The following USH2A variants were observed in gnomAD, a reference collection of about 807,000 sequenced individuals.
USH2A encodes Usher syndrome 2A (autosomal recessive, mild).
USH2A carries 443 observed loss-of-function variants against 538.9 expected under a neutral mutation model. The observed-to-expected ratio is 0.82, with a 90% CI of 0.76 to 0.89. USH2A has a LOEUF of 0.89. Ranked by LOEUF, USH2A falls within the 40% of genes least tolerant of loss-of-function variation. USH2A has a pLI of 0.00. For synonymous variants in USH2A, 2,413 were observed against 2,273.5 expected (o/e 1.06, Z -1.75); for missense variants, 6,633 against 6,324.8 (o/e 1.05, Z -1.65).
intron 61 of USH2A, among the ~76,000 whole-genome samples, chr1:215,694,434 G>A (rs914518630): frequency 1.3e-5 from 2 of 152,132 alleles, no homozygotes; most frequent in East Asian, 1.9e-4. Flanking sequence ...TTAGACGGGC[G>A]TGGTTGCGGG....
chr1:216,095,431 T>C (rs967736907), intron 22 of USH2A, among the ~76,000 whole-genome samples: 32 of 152,176 alleles, frequency 2.1e-4, no homozygotes, highest in African/African-American at 7.7e-4. Context: ...TTTTTAAAAA[T>C]TTTTTTCAGT....
chr1:216,121,475 C>T (rs566273520), intron 21 of USH2A, among the ~76,000 whole-genome samples: 63 of 152,060 alleles, frequency 4.1e-4, no homozygotes, highest in Non-Finnish European at 8.2e-4. Context: ...CTATTATACT[C>T]ACCACTGGTA....
chr1:216,320,556 T>C (rs2037586215), intron 9 of USH2A, among the ~76,000 whole-genome samples: 1 of 152,152 alleles, frequency 6.6e-6, no homozygotes, highest in Non-Finnish European at 1.5e-5. Flanking sequence ...AACTATTGTG[T>C]CAATTGGCAA....
intron 44 of USH2A, among the ~76,000 whole-genome samples, chr1:215,855,779 C>T (rs1853810): frequency 0.42 from 63,634 of 151,976 alleles, 13,944 homozygotes; most frequent in Admixed American, 0.57. Flanking sequence ...CACCTGACCT[C>T]AAACTATACT....
intron 55 of USH2A, 136 bp from the exon 56 acceptor site, chr1:215,766,924 G>A (rs1298881734): frequency 1.2e-6 from 1 of 859,986 alleles, no homozygotes; most frequent in African/African-American, 1.7e-5. Flanking sequence ...ACTCTTTAAA[G>A]AAGGTCTGAA....
chr1:215,884,382 C>T (rs560003676), intron 41 of USH2A, among the ~76,000 whole-genome samples: 7 of 152,270 alleles, frequency 4.6e-5, no homozygotes, highest in African/African-American at 1.7e-4. Context: ...GAAGATTGCA[C>T]TTTTTTTCCA....
intron 32 of USH2A, among the ~76,000 whole-genome samples, chr1:216,009,992 T>C (rs1010762084): frequency 6.6e-6 from 1 of 152,208 alleles, no homozygotes; most frequent in Non-Finnish European, 1.5e-5. Flanking sequence ...TTTACAGCCC[T>C]AGACCCTAAA....
chr1:216,078,422 G>A, intron 26 of USH2A, 60 bp from the exon 27 acceptor site: 5 of 1,513,990 alleles, frequency 3.3e-6, no homozygotes, highest in Non-Finnish European at 4.6e-6. Context: ...GGGCAGTTTG[G>A]GAGAGAGCAG....
At chr1:215,860,280 A>G (rs897080724) in intron 44 of USH2A, among the ~76,000 whole-genome samples, 2 of 152,242 alleles carry the variant, frequency 1.3e-5, no homozygotes, top group Non-Finnish European at 2.9e-5. Flanking sequence ...ATCAATGTCA[A>G]TTATGTCTTC....
At position 216,231,965 on chromosome 1, in the gene USH2A, G is replaced by C; in HGVS notation, c.2981C>G (p.Pro994Arg). Residue 994 changes from proline to arginine, a missense_variant, in exon 14 of 72, where the codon CCT (proline) becomes CGT (arginine). Pro to Arg is a moderately radical substitution (Grantham distance 103, BLOSUM62 -2). Coordinates refer to ENST00000307340, the MANE Select transcript of USH2A (RefSeq NM_206933.4). ...QCKDHYFGFD[P>R]QTGRCQPCNC... Reference sequence around the variant, plus strand: ...TATAAAGATGTACCTTCCAGTCTGAGGATCAAATCCAAAGTAATGGTCTTT... The same window carrying C: ...TATAAAGATGTACCTTCCAGTCTGACGATCAAATCCAAAGTAATGGTCTTT... 1 of 1,613,950 alleles carries C rather than the reference G, an allele frequency of 6.2e-7. No individual in the cohort carries two copies. Among genetic ancestry groups the C allele is most frequent in the Non-Finnish European group, 8.5e-7 (1 of 1,179,848 alleles).
In USH2A at chr1:215,888,955, T is replaced by C; in HGVS notation, c.7694A>G (p.His2565Arg). ...ACGGCCATGTAGATAAATGTTATAA[T>C]GGGTAATAACCCCATTGGATTTTCT... Reference protein sequence around the residue: ...HPRKSNGVITHYNIYLHGRLY... With the variant: ...HPRKSNGVITRYNIYLHGRLY... Residue 2565 changes from histidine (H) to arginine (R), a missense_variant, in exon 41 of 72, where the codon CAT (histidine) becomes CGT (arginine). Physicochemically the swap from His to Arg is conservative, Grantham distance 29. Transcript: ENST00000307340. 1.2e-6 allele frequency: 2 copies of C among 1,614,170 alleles called. No homozygotes were observed. Among genetic ancestry groups the C allele is most frequent in the South Asian group, 2.2e-5 (2 of 91,080 alleles).
At chr1:215,911,472 C>T (rs1156535131) in intron 38 of USH2A, among the ~76,000 whole-genome samples, 5 of 151,960 alleles carry the variant, frequency 3.3e-5, no homozygotes, top group Non-Finnish European at 7.4e-5. Context: ...CTTTCTGTGC[C>T]AGGCTTATTT....
At chr1:216,342,401 A>G (rs2038092999) in intron 4 of USH2A, among the ~76,000 whole-genome samples, 1 of 152,178 alleles carries the variant, frequency 6.6e-6, no homozygotes. Context: ...AATGTAAATT[A>G]GTTGAACCAT....
intron 69 of USH2A, among the ~76,000 whole-genome samples, chr1:215,638,705 A>T (rs1449540620): frequency 6.6e-6 from 1 of 150,738 alleles, no homozygotes; most frequent in Non-Finnish European, 1.5e-5. Context: ...CTGGCTGGGC[A>T]CAGTGGCTCA....
chr1:216,070,056 A>C (rs752667270), intron 30 of USH2A, 45 bp downstream of exon 30: 17 of 1,604,464 alleles, frequency 1.1e-5, no homozygotes, highest in Non-Finnish European at 1.4e-5. Flanking sequence ...AATGCAAACA[A>C]AAAGGAAGTT....
At chr1:216,366,833 T>G (rs938607153) in intron 3 of USH2A, among the ~76,000 whole-genome samples, 1 of 152,188 alleles carries the variant, frequency 6.6e-6, no homozygotes, top group Non-Finnish European at 1.5e-5. Context: ...CCTGGATATA[T>G]TCCGCTTTGT....
At chr1:215,745,771 C>T (rs1387689458) in intron 58 of USH2A, among the ~76,000 whole-genome samples, 2 of 152,106 alleles carry the variant, frequency 1.3e-5, no homozygotes, top group East Asian at 3.8e-4. Flanking sequence ...TATGCTTTTC[C>T]TTGATAATGG....
chr1:215,628,979 G>C lies in USH2A; in HGVS notation c.15354C>G (p.Asn5118Lys). Reference sequence around the variant, plus strand: ...GGATGCGCAGGACACATGCACTCCGGTTGCTGCGGATACTCACAGGTGTCC... The same window carrying C: ...GGATGCGCAGGACACATGCACTCCGCTTGCTGCGGATACTCACAGGTGTCC... ...RSGTPVSIRSNRSACVLRIPS... is the reference protein window; with the variant it reads ...RSGTPVSIRSKRSACVLRIPS... The change falls in exon 71 of 72, where the codon AAC (asparagine) becomes AAG (lysine). Residue 5118 changes from asparagine (N) to lysine (K), a missense_variant. Coordinates refer to ENST00000307340, the MANE Select transcript of USH2A (RefSeq NM_206933.4). 6.2e-7 allele frequency: 1 copy of C among 1,613,940 alleles called. No individual in the cohort carries two copies. The highest frequency in any genetic ancestry group is 8.5e-7 in the Non-Finnish European group (1 of 1,180,050).
chr1:215,972,703 C>A (rs1342007988), intron 35 of USH2A, among the ~76,000 whole-genome samples: 2 of 152,116 alleles, frequency 1.3e-5, no homozygotes, highest in Admixed American at 6.6e-5. Context: ...GTATAGTTTA[C>A]CATTCTGATA....
Sources: allele counts gnomAD v4.1 joint callset (sites outside exome capture counted in the v4.1 genomes callset), GRCh38; gene constraint gnomAD v4.1.1; transcripts MANE v1.5; gene names NCBI Gene and HGNC (gene_info 2026-07-23, HGNC 2026-07-21).